PFKFB4: variants seen among roughly 807,000 people sequenced by gnomAD.
PFKFB4 encodes the protein 6-phosphofructo-2-kinase/fructose-2,6-bisphosphatase 4.
PFKFB4 carries 42 observed loss-of-function variants against 62.8 expected under a neutral mutation model. The ratio of observed to expected loss-of-function variants is 0.67; its 90% confidence interval spans 0.52 to 0.86. PFKFB4 has a LOEUF of 0.86. PFKFB4 is among the 40% of genes least tolerant of loss of function. The probability of loss-of-function intolerance (pLI) is 0.00; values close to 1 mark genes in which losing one functional copy is unlikely to be tolerated. For synonymous variants in PFKFB4, 204 were observed against 240.7 expected (o/e 0.85, Z 1.41); for missense variants, 475 against 627.2 (o/e 0.76, Z 2.59).
chr3:48,531,433 A>ATTT (rs757109110), intron 9 of PFKFB4, among the ~76,000 whole-genome samples: 9 of 140,242 alleles, frequency 6.4e-5, no homozygotes, highest in Non-Finnish European at 9.4e-5. Flanking sequence ...GGAAGCAGAA[A>ATTT]TTTTTTTTTT....
intron 9 of PFKFB4, among the ~76,000 whole-genome samples, chr3:48,532,500 T>A (rs1175315241): frequency 6.6e-6 from 1 of 152,152 alleles, no homozygotes; most frequent in Admixed American, 6.5e-5. Context: ...CATTGGCAGA[T>A]GAATGGATAC....
intron 3 of PFKFB4, among the ~76,000 whole-genome samples, chr3:48,545,266 G>C (rs1321739013): frequency 6.6e-6 from 1 of 152,000 alleles, no homozygotes; most frequent in East Asian, 1.9e-4. Flanking sequence ...CGAGTAGCTG[G>C]GATTACAGGC....
At chr3:48,559,662 G>C, upstream of PFKFB4, 1 of 454,522 alleles carries the variant, frequency 2.2e-6, no homozygotes, top group South Asian at 1.6e-5. Context: ...CCCAGGCGTG[G>C]GAAGTATGCT....
upstream of PFKFB4, chr3:48,559,898 C>CCACACACACACA (rs34826551): frequency 1.6e-3 from 301 of 191,740 alleles, 2 homozygotes; most frequent in Non-Finnish European, 2.0e-3. Context: ...AACCATCCCA[C>CCACACACACACA]CACACACACA....
At chr3:48,557,767 C>T (rs1035041052), upstream of PFKFB4, among the ~76,000 whole-genome samples, 1 of 152,208 alleles carries the variant, frequency 6.6e-6, no homozygotes, top group South Asian at 2.1e-4. Context: ...GAACTCCTGA[C>T]CTCAGGTGAT....
rs1194158956 is a variant in PFKFB4 at position 48,539,189 on chromosome 3, C to T, written c.510+65G>A. On this transcript the variant is annotated intron_variant, in intron 6 of 13. Coordinates refer to ENST00000232375, the MANE Select transcript of PFKFB4 (RefSeq NM_004567.4). ...GGTTCAAGATCAAATTAAGGTTAGC[C>T]AAAACCTGAAAAGGGATGTCCCTGT... is the stretch of plus-strand genomic sequence containing the variant. 6.1e-6 allele frequency: 8 copies of T among 1,315,122 alleles called. No homozygotes were observed. In the Middle Eastern group the frequency reaches 5.4e-4, roughly 89 times the overall value. The allele number at this position is 1,315,122 out of a possible 1,614,324, so 81.5% of individuals were successfully genotyped here.
intron 3 of PFKFB4, among the ~76,000 whole-genome samples, chr3:48,545,831 T>G (rs557166545): frequency 6.6e-6 from 1 of 152,180 alleles, no homozygotes; most frequent in African/African-American, 2.4e-5. Context: ...TTCTTCCTCA[T>G]GCCAAAAACA....
chr3:48,559,591 A>G (rs1304517337), upstream of PFKFB4: 29 of 456,826 alleles, frequency 6.3e-5, no homozygotes, highest in Non-Finnish European at 2.6e-5. Flanking sequence ...GCCCGGTAGA[A>G]TCTCTGGCCC....
chr3:48,557,696 C>G (rs2043364579), upstream of PFKFB4, among the ~76,000 whole-genome samples: 1 of 152,120 alleles, frequency 6.6e-6, no homozygotes, highest in Non-Finnish European at 1.5e-5. Context: ...ACCACCACGC[C>G]CTGCTAATTT....
intron 1 of PFKFB4, among the ~76,000 whole-genome samples, chr3:48,555,661 G>A (rs748423478): frequency 2.6e-5 from 4 of 152,074 alleles, no homozygotes; most frequent in Admixed American, 1.3e-4. Flanking sequence ...TCGGAAGGCC[G>A]AGGCCAGAGG....
At chr3:48,527,684 CTTTTTTTTTTTT>C (rs1180697646) in intron 9 of PFKFB4, among the ~76,000 whole-genome samples, 1 of 121,222 alleles carries the variant, frequency 8.2e-6, no homozygotes, top group Non-Finnish European at 1.7e-5. Flanking sequence ...CGTCCATCAT[CTTTTTTTTTTTT>C]TTTTTTTTTG....
At position 48,549,882 on chromosome 3, in the gene PFKFB4, T is replaced by G; in HGVS notation, c.293A>C (p.Glu98Ala). Reference sequence around the variant, plus strand: ...TACTTACTTCCTGATTTTCAGGCCCTCTTCATTGTCGGGGAGAAAAAATTC... The same window carrying G: ...TACTTACTTCCTGATTTTCAGGCCCGCTTCATTGTCGGGGAGAAAAAATTC... ...SFEFFLPDNE[E>A]GLKIRKQCAL... The change falls in exon 3 of 14, where the codon GAG becomes GCG. Residue 98 changes from glutamate (E) to alanine (A), a missense_variant. By Grantham distance (107) the Glu-to-Ala change is moderately radical. Transcript: ENST00000232375. 6.2e-7 allele frequency: 1 copy of G among 1,610,912 alleles called. No individual in the cohort carries two copies. Among genetic ancestry groups the G allele is most frequent in the Non-Finnish European group, 8.5e-7 (1 of 1,177,052 alleles).
At chr3:48,520,767 G>C (rs1358967200) in intron 13 of PFKFB4, among the ~76,000 whole-genome samples, 2 of 152,210 alleles carry the variant, frequency 1.3e-5, no homozygotes, top group South Asian at 2.1e-4. Context: ...CCCACCCATA[G>C]TGGGCAGAAT....
At chr3:48,526,531 C>T (rs1251899758) in intron 9 of PFKFB4, among the ~76,000 whole-genome samples, 4 of 150,700 alleles carry the variant, frequency 2.7e-5, no homozygotes, top group African/African-American at 9.8e-5. Context: ...CAAGATTACG[C>T]CACTGCACTC....
upstream of PFKFB4, among the ~76,000 whole-genome samples, chr3:48,558,489 C>T (rs891043256): frequency 6.6e-6 from 1 of 152,254 alleles, no homozygotes; most frequent in Admixed American, 6.5e-5. Flanking sequence ...CACCCCCTCC[C>T]ATGCCCTCCC....
rs144489554 is a variant in PFKFB4, at chr3:48,523,826, T to C, written c.1097A>G (p.Tyr366Cys). ...YRYRYPKGES[Y>C]EDLVQRLEPV... is the part of the protein sequence containing the mutation. ...CTCCAGTCTCTGGACCAGGTCCTCGTAGGACTGCAAGGGCAAGCAGAGAGG... is the reference window on the plus strand; with the variant it reads ...CTCCAGTCTCTGGACCAGGTCCTCGCAGGACTGCAAGGGCAAGCAGAGAGG... The change falls in exon 11 of 14, where the codon TAC becomes TGC. Residue 366 changes from tyrosine to cysteine, a missense_variant. Transcript: ENST00000232375. 2.5e-6 allele frequency: 4 copies of C among 1,613,706 alleles called. No homozygotes were observed. The highest frequency in any genetic ancestry group is 3.4e-6 in the Non-Finnish European group (4 of 1,179,832).
chr3:48,535,677 A>C lies in PFKFB4; in HGVS notation c.841-19T>G. On this transcript the variant is annotated intron_variant, in intron 8 of 13. Coordinates refer to ENST00000232375, the MANE Select transcript of PFKFB4 (RefSeq NM_004567.4). ...TGGCAAACTGAAATACATCATAAGC[A>C]AACTCAGACCCACAGGTCTTGGGCT... The C allele has an allele frequency of 6.2e-7, 1 of 1,613,970 alleles. No individual in the cohort carries two copies. Among genetic ancestry groups the C allele is most frequent in the South Asian group, 1.1e-5 (1 of 91,066 alleles).
chr3:48,556,944 G>T, upstream of PFKFB4: 1 of 1,396,700 alleles, frequency 7.2e-7, no homozygotes. The surrounding 1 kb of genome is among the most constrained non-coding windows in gnomAD (Gnocchi z 5.7). Flanking sequence ...CGCCCCAGCT[G>T]AAAGGGGCCC....
rs2042692215 is a variant in PFKFB4, at chr3:48,538,399, G to A, written c.632+99C>T. On this transcript the variant is annotated intron_variant, in intron 7 of 13. Transcript: ENST00000232375. ...AAGGTCAGACCATCTCTGCTTTTTG[G>A]TCCTCCAGCCACCACCATGGGGAGC... 2.8e-6 allele frequency: 4 copies of A among 1,450,704 alleles called. No individual in the cohort carries two copies. In the Admixed American group the frequency reaches 7.7e-5, roughly 28 times the overall value. 89.9% of individuals were successfully genotyped at this position (1,450,704 alleles called of 1,614,324 possible).
Sources: allele counts gnomAD v4.1 joint callset (sites outside exome capture counted in the v4.1 genomes callset), GRCh38; gene constraint gnomAD v4.1.1; non-coding constraint Gnocchi (gnomAD v3.1); transcripts MANE v1.5; gene names NCBI Gene and HGNC (gene_info 2026-07-23, HGNC 2026-07-21).